Variants in SPON1 observed in about 807,000 individuals in gnomAD.
SPON1 encodes the protein spondin-1.
Under a neutral mutation model 111.7 loss-of-function variants are expected in SPON1, and 52 were observed. That is an observed-to-expected ratio of 0.47 (90% CI 0.37 to 0.59). The LOEUF (loss-of-function observed/expected upper bound fraction) is 0.59. Among genes scored for constraint, SPON1 ranks in the 20% least tolerant of loss-of-function variants. The pLI, the probability that SPON1 is intolerant of heterozygous loss-of-function variation, is 0.00. For missense variants in SPON1, 957 were observed against 1,068.5 expected, an observed-to-expected ratio of 0.90 and a Z score of 1.46; for synonymous variants, 410 against 395.8, an observed-to-expected ratio of 1.04 and a Z score of -0.43.
At chr11:14,231,775 T>C (rs6486185) in intron 6 of SPON1, among the ~76,000 whole-genome samples, 8,044 of 152,142 alleles carry the variant, frequency 0.053, 760 homozygotes, top group African/African-American at 0.18. Flanking sequence ...ACTTTTTTAA[T>C]GGTGAATCCA....
At chr11:14,095,279 G>A (rs1849090015) in intron 5 of SPON1, among the ~76,000 whole-genome samples, 1 of 151,718 alleles carries the variant, frequency 6.6e-6, no homozygotes, top group South Asian at 2.1e-4. Flanking sequence ...TTAGCACCAT[G>A]CCTAGAAGAG....
At chr11:14,081,224 C>T (rs782446004) in intron 5 of SPON1, among the ~76,000 whole-genome samples, 22 of 152,088 alleles carry the variant, frequency 1.4e-4, no homozygotes, top group Non-Finnish European at 2.4e-4. Context: ...TCTCAACAAA[C>T]GCCTAACATG....
At chr11:14,171,744 T>G (rs1848103737) in intron 6 of SPON1, among the ~76,000 whole-genome samples, 1 of 152,294 alleles carries the variant, frequency 6.6e-6, no homozygotes, top group South Asian at 2.1e-4. Context: ...TTCATTTCGT[T>G]ATGTACCCAG....
rs1849262136 is a variant in SPON1, at chr11:14,265,937, A to C, written c.*250A>C. 2.6e-6 allele frequency: 1 copy of C among 379,438 alleles called. No individual in the cohort carries two copies. Among genetic ancestry groups the C allele is most frequent in the Non-Finnish European group, 4.8e-6 (1 of 206,368 alleles). The allele number at this position is 379,438 out of a possible 1,614,324, so 23.5% of individuals were successfully genotyped here. On this transcript the variant is annotated 3_prime_UTR_variant, in exon 16 of 16. Coordinates refer to ENST00000576479, the MANE Select transcript of SPON1 (RefSeq NM_006108.4). ...GAGTAGTGTCAGCCACCTTGTACTA[A>C]GCTGAAACATGTCCCTCTGGAGCTT... is the stretch of plus-strand genomic sequence containing the variant.
At chr11:14,047,517 T>C (rs1848677267) in intron 3 of SPON1, among the ~76,000 whole-genome samples, 1 of 152,198 alleles carries the variant, frequency 6.6e-6, no homozygotes, top group South Asian at 2.1e-4. Context: ...TTGTGATGTA[T>C]ATTAAAATAT....
At chr11:14,020,603 A>G (rs2133803433) in intron 2 of SPON1, among the ~76,000 whole-genome samples, 1 of 152,370 alleles carries the variant, frequency 6.6e-6, no homozygotes, top group Non-Finnish European at 1.5e-5. Context: ...GTGGAGGCTG[A>G]TGTAAGTACG....
In SPON1 at chr11:14,212,480, T is replaced by A. The variant is rs1483186948; in HGVS notation, c.826-30852T>A. Among the ~76,000 whole-genome samples the A allele has an allele frequency of 3.3e-5, 5 of 152,184 alleles. No homozygotes were observed. The East Asian group carries it at 9.6e-4, about 29-fold the overall frequency. On this transcript the variant is annotated intron_variant, in intron 6 of 15. Transcript: ENST00000576479. ...AGACATAGTATTCCATATAAGTGGTTTAATTCCTTTTGCTACTGAATATAT... is the reference window on the plus strand; with the variant it reads ...AGACATAGTATTCCATATAAGTGGTATAATTCCTTTTGCTACTGAATATAT...
Position 14,090,949 on chromosome 11 carries a change from A to C in SPON1, c.676+10928A>C, listed in dbSNP as rs184887916. Among the ~76,000 whole-genome samples, 263 of 150,700 alleles carry C rather than the reference A, an allele frequency of 1.7e-3. 4 individuals carry two copies. Among genetic ancestry groups the C allele is most frequent in the African/African-American group, 5.9e-3 (242 of 40,892 alleles). On this transcript the variant is annotated intron_variant, in intron 5 of 15. Coordinates refer to ENST00000576479, the MANE Select transcript of SPON1 (RefSeq NM_006108.4). ...AGATACAAAGGTTCTCCACGTCCCC[A>C]TCAGATTAGTTAGATACAGAGTTTT...
At position 13,986,376 on chromosome 11, in the gene SPON1, T is replaced by C. The variant is rs527513047; in HGVS notation, c.345+3423T>C. 2.6e-5 allele frequency among the ~76,000 whole-genome samples: 4 copies of C among 152,348 alleles called. No individual in the cohort carries two copies. In the South Asian group the frequency reaches 8.3e-4, roughly 32 times the overall value. On this transcript the variant is annotated intron_variant, in intron 2 of 15. Transcript: ENST00000576479. ...ACCACAAAATTCTAATACTCATTCA[T>C]TGATACATAATATTTAACATATTTG...
rs782341041 is a variant in SPON1, at chr11:14,267,461, T to C, written c.*1774T>C. On this transcript the variant is annotated 3_prime_UTR_variant, in exon 16 of 16. Transcript: ENST00000576479. ...CTACTTGGGGGGAAAAAAGTCCTCATGTAGAAGCACCCACTTTTGCAATGT... is the reference window on the plus strand; with the variant it reads ...CTACTTGGGGGGAAAAAAGTCCTCACGTAGAAGCACCCACTTTTGCAATGT... The C allele has an allele frequency of 6.6e-6, 1 of 152,196 alleles. No individual in the cohort carries two copies. The highest frequency in any genetic ancestry group is 1.5e-5 in the Non-Finnish European group (1 of 68,036). The allele number at this position is 152,196 out of a possible 1,614,324, so 9.4% of individuals were successfully genotyped here.
At chr11:14,124,227 G>A (rs1014422624) in intron 5 of SPON1, among the ~76,000 whole-genome samples, 10 of 151,930 alleles carry the variant, frequency 6.6e-5, no homozygotes, top group South Asian at 2.1e-4. Context: ...TGACCTACTC[G>A]TAGTCTTACA....
intron 2 of SPON1, among the ~76,000 whole-genome samples, chr11:14,028,476 A>G (rs906971868): frequency 6.6e-6 from 1 of 152,122 alleles, no homozygotes; most frequent in Non-Finnish European, 1.5e-5. Flanking sequence ...TGTCTCAAAA[A>G]TAAATAAAAA....
intron 5 of SPON1, among the ~76,000 whole-genome samples, chr11:14,108,082 A>G (rs1554925100): frequency 6.6e-6 from 1 of 152,176 alleles, no homozygotes; most frequent in African/African-American, 2.4e-5. Flanking sequence ...CACCTTGCAG[A>G]AGACACTGAC....
At chr11:13,992,681 C>T (rs1341358335) in intron 2 of SPON1, among the ~76,000 whole-genome samples, 1 of 152,092 alleles carries the variant, frequency 6.6e-6, no homozygotes, top group Non-Finnish European at 1.5e-5. Flanking sequence ...AAACCCAGGG[C>T]CCTGGTTGGG....
chr11:14,267,677 T>C lies in SPON1; in HGVS notation c.*1990T>C, dbSNP rs1849287473. 6.6e-6 allele frequency: 1 copy of C among 152,196 alleles called. No homozygotes were observed. Among genetic ancestry groups the C allele is most frequent in the Non-Finnish European group, 1.5e-5 (1 of 68,036 alleles). 9.4% of individuals were successfully genotyped at this position (152,196 alleles called of 1,614,324 possible). A position where few individuals can be genotyped will look rare whatever the true frequency, so the allele number is the denominator to read the frequency against. Reference sequence around the variant, plus strand: ...AATGGGTAACATGACTCTTGTTGGATTGTTATTTTTTGTTTGCAATGGGGA... The same window carrying C: ...AATGGGTAACATGACTCTTGTTGGACTGTTATTTTTTGTTTGCAATGGGGA... On this transcript the variant is annotated 3_prime_UTR_variant, in exon 16 of 16. Transcript: ENST00000576479.
intron 3 of SPON1, among the ~76,000 whole-genome samples, chr11:14,054,465 G>A (rs1329686661): frequency 3.3e-5 from 5 of 152,166 alleles, no homozygotes; most frequent in Non-Finnish European, 4.4e-5. Flanking sequence ...AATGTAAATC[G>A]GCATGATTAA....
chr11:14,185,624 C>T (rs1280085080), intron 6 of SPON1, among the ~76,000 whole-genome samples: 1 of 152,238 alleles, frequency 6.6e-6, no homozygotes, highest in Non-Finnish European at 1.5e-5. Context: ...ACAGGCATCA[C>T]TGCAGAGTAA....
intron 5 of SPON1, among the ~76,000 whole-genome samples, chr11:14,124,502 A>G (rs1554926843): frequency 6.6e-6 from 1 of 152,174 alleles, no homozygotes; most frequent in Non-Finnish European, 1.5e-5. Flanking sequence ...CCTATCTTCC[A>G]TGCCCTTCAC....
intron 2 of SPON1, among the ~76,000 whole-genome samples, chr11:13,993,765 G>C (rs543975377): frequency 6.6e-6 from 1 of 152,146 alleles, no homozygotes; most frequent in Non-Finnish European, 1.5e-5. Context: ...GAGTATCCCT[G>C]GCAGCAACTA....
Sources: gnomAD v4.1 joint callset for allele counts (sites outside exome capture counted in the v4.1 genomes callset) on GRCh38, gnomAD v4.1.1 for gene constraint, MANE v1.5 for transcripts, NCBI Gene and HGNC (gene_info 2026-07-23, HGNC 2026-07-21) for gene names.